The following RBPMS variants were observed in gnomAD, a reference collection of about 807,000 sequenced individuals.
RBPMS encodes the protein RNA-binding protein with multiple splicing.
RBPMS carries 7 observed loss-of-function variants against 26.8 expected under a neutral mutation model. That is an observed-to-expected ratio of 0.26 (90% confidence interval 0.15 to 0.49). The LOEUF (loss-of-function observed/expected upper bound fraction) is 0.49, where lower values mean the gene tolerates loss of function less well. Ranked by LOEUF, RBPMS falls within the 20% of genes least tolerant of loss-of-function variation. The pLI is 0.98. For synonymous variants in RBPMS, 96 were observed against 93.3 expected (o/e 1.03, Z -0.17); for missense variants, 186 against 250.0 (o/e 0.74, Z 1.73).
At chr8:30,490,995 G>C (rs950863436) in intron 4 of RBPMS, among the ~76,000 whole-genome samples, 27 of 152,164 alleles carry the variant, frequency 1.8e-4, no homozygotes, top group South Asian at 2.1e-4. Context: ...CAAGTTCTTG[G>C]TTGGAAGGAG....
intron 4 of RBPMS, among the ~76,000 whole-genome samples, chr8:30,494,202 C>T (rs1819690823): frequency 6.6e-6 from 1 of 152,206 alleles, no homozygotes; most frequent in Non-Finnish European, 1.5e-5. Context: ...AAGGAAACTA[C>T]ACAGCATCAG....
intron 1 of RBPMS, among the ~76,000 whole-genome samples, chr8:30,425,792 A>G (rs899236377): frequency 6.6e-6 from 1 of 152,086 alleles, no homozygotes; most frequent in Admixed American, 6.5e-5. Flanking sequence ...AAACATTTTT[A>G]CAGACATTAA....
In RBPMS at chr8:30,549,543, C is replaced by G. The variant is rs143076913; in HGVS notation, c.528+4919C>G. 54 of 1,614,074 alleles carry G rather than the reference C, an allele frequency of 3.3e-5. No individual in the cohort carries two copies. Among genetic ancestry groups the G allele is most frequent in the Non-Finnish European group, 4.3e-5 (51 of 1,180,022 alleles). ...GTGAGGAGAAGCCACCCCTTGAGCG[C>G]TCCGTCTCCTGATAGTGCCAGCCTG... On this transcript the variant is annotated intron_variant, in intron 6 of 8. Coordinates refer to ENST00000397323, the MANE Select transcript of RBPMS (RefSeq NM_001008710.3).
chr8:30,420,441 G>T (rs889291477), intron 1 of RBPMS, among the ~76,000 whole-genome samples: 5 of 152,078 alleles, frequency 3.3e-5, no homozygotes, highest in African/African-American at 9.7e-5. Flanking sequence ...AAAAGAACTC[G>T]GGGGGACTTT....
At chr8:30,562,224 G>C (rs1232823688) in intron 7 of RBPMS, 1 of 170,740 alleles carries the variant, frequency 5.9e-6, no homozygotes, top group East Asian at 1.9e-4. Flanking sequence ...CCAGCTACTA[G>C]GGAGGCTGAG....
At chr8:30,497,611 T>C (rs1298303142) in intron 4 of RBPMS, among the ~76,000 whole-genome samples, 1 of 151,544 alleles carries the variant, frequency 6.6e-6, no homozygotes, top group Non-Finnish European at 1.5e-5. Context: ...TTTTTTGTTG[T>C]TGTTTTGTTT....
At chr8:30,550,005 C>T (rs1826227319) in intron 6 of RBPMS, among the ~76,000 whole-genome samples, 1 of 151,906 alleles carries the variant, frequency 6.6e-6, no homozygotes, top group Admixed American at 6.6e-5. Flanking sequence ...CGCCTGTCAC[C>T]ACGCCTGGCT....
intron 1 of RBPMS, among the ~76,000 whole-genome samples, chr8:30,457,158 C>T (rs751664639): frequency 3.9e-5 from 6 of 152,134 alleles, no homozygotes; most frequent in Admixed American, 6.5e-5. Context: ...TTCATATGCC[C>T]CCAGGTTCTG....
At position 30,384,787 on chromosome 8, in the gene RBPMS, G is replaced by C. The variant is rs1806801592; in HGVS notation, c.-306G>C. The C allele has an allele frequency of 4.0e-6, 1 of 247,322 alleles. No individual in the cohort carries two copies. The allele number at this position is 247,322 out of a possible 1,614,324, so 15.3% of individuals were successfully genotyped here. On this transcript the variant is annotated 5_prime_UTR_variant, in exon 1 of 9. Transcript: ENST00000397323. This position sits in a 1 kb window ranked among gnomAD's most constrained non-coding sequence, Gnocchi z 5.6. ...CTTCTTCCTTCCTCCCCTGGCTCCC[G>C]CCCTCCCTCTCCAGGTCGCCCTCCC...
At chr8:30,439,632 G>A (rs992945837) in intron 1 of RBPMS, among the ~76,000 whole-genome samples, 4 of 151,690 alleles carry the variant, frequency 2.6e-5, no homozygotes, top group South Asian at 2.1e-4. Context: ...CTAATTGCCC[G>A]TTTTTTGACT....
intron 5 of RBPMS, among the ~76,000 whole-genome samples, chr8:30,526,996 C>CTG (rs1472204609): frequency 5.9e-5 from 9 of 152,146 alleles, no homozygotes; most frequent in African/African-American, 2.2e-4. Flanking sequence ...AGATAGCGCT[C>CTG]TGTAGCTCCA....
intron 1 of RBPMS, among the ~76,000 whole-genome samples, chr8:30,435,895 C>T (rs896794579): frequency 1.3e-5 from 2 of 152,208 alleles, no homozygotes; most frequent in Admixed American, 6.5e-5. Context: ...AGCCTCCAAA[C>T]TCCTGGCCTC....
chr8:30,476,572 G>GT (rs1299244959), intron 2 of RBPMS, among the ~76,000 whole-genome samples: 1 of 152,158 alleles, frequency 6.6e-6, no homozygotes, highest in East Asian at 1.9e-4. Context: ...CTGGGAAGAT[G>GT]TAAGGATGAA....
intron 6 of RBPMS, chr8:30,556,700 C>A (rs1585875971): frequency 2.0e-6 from 2 of 986,084 alleles, no homozygotes; most frequent in Non-Finnish European, 2.4e-6. Context: ...GTGTCCCCGC[C>A]CCGTCCTTTC....
intron 1 of RBPMS, among the ~76,000 whole-genome samples, chr8:30,457,672 G>A (rs1815388179): frequency 6.9e-6 from 1 of 145,344 alleles, no homozygotes. Flanking sequence ...TCCAACCTCT[G>A]CCTCCCGGGT....
At chr8:30,538,086 G>A (rs117710310) in intron 5 of RBPMS, among the ~76,000 whole-genome samples, 90 of 152,280 alleles carry the variant, frequency 5.9e-4, no homozygotes, top group Non-Finnish European at 1.1e-3. Context: ...CAATGGAAAT[G>A]ACCAAGGTCC....
intron 5 of RBPMS, among the ~76,000 whole-genome samples, chr8:30,526,338 C>A (rs532658912): frequency 2.6e-5 from 4 of 152,334 alleles, no homozygotes; most frequent in Non-Finnish European, 5.9e-5. Flanking sequence ...GTCACCTTAA[C>A]CATCTCTTTC....
At chr8:30,446,855 G>GCGCGCGCACGTA (rs1813906143) in intron 1 of RBPMS, 1 of 73,234 alleles carries the variant, frequency 1.4e-5, no homozygotes, top group African/African-American at 7.1e-5. Flanking sequence ...GCGCGCGCGC[G>GCGCGCGCACGTA]CGCGGTGGAG....
intron 1 of RBPMS, among the ~76,000 whole-genome samples, chr8:30,437,563 G>GGT (rs1812608032): frequency 6.6e-6 from 1 of 152,034 alleles, no homozygotes; most frequent in Admixed American, 6.5e-5. Context: ...GGCCGAGGCA[G>GGT]GTGGATCACC....
Sources: gnomAD v4.1 joint callset for allele counts (sites outside exome capture counted in the v4.1 genomes callset) on GRCh38, gnomAD v4.1.1 for gene constraint, Gnocchi (gnomAD v3.1) non-coding constraint, MANE v1.5 for transcripts, NCBI Gene and HGNC (gene_info 2026-07-23, HGNC 2026-07-21) for gene names.